The following ADAMTSL1 variants were observed in gnomAD, a reference collection of about 807,000 sequenced individuals.
The protein encoded by ADAMTSL1 is ADAMTS like 1, also known as ADAMTS-like protein 1.
Under a neutral mutation model 201.8 loss-of-function variants are expected in ADAMTSL1, and 126 were observed. That is an observed-to-expected ratio of 0.62 (90% CI 0.54 to 0.72). The LOEUF is 0.72. ADAMTSL1 is among the 30% of genes least tolerant of loss of function. The pLI is 0.00. For synonymous variants in ADAMTSL1, 1,121 were observed against 903.4 expected (o/e 1.24, Z -4.32); for missense variants, 2,679 against 2,277.8 (o/e 1.18, Z -3.59).
intron 26 of ADAMTSL1, among the ~76,000 whole-genome samples, chr9:18,898,832 G>C (rs1295772331): frequency 6.6e-6 from 1 of 152,128 alleles, no homozygotes; most frequent in Non-Finnish European, 1.5e-5. Flanking sequence ...TGACAAATCA[G>C]CAGTTGCTAT....
At chr9:18,710,660 AGTTTT>A (rs1379384216) in intron 14 of ADAMTSL1, among the ~76,000 whole-genome samples, 1 of 58,164 alleles carries the variant, frequency 1.7e-5, no homozygotes, top group Non-Finnish European at 3.6e-5. Flanking sequence ...GAAGGGCCTA[AGTTTT>A]GTTTTGTTTT....
chr9:18,062,294 T>G (rs1295640780), intron 1 of ADAMTSL1, among the ~76,000 whole-genome samples: 1 of 152,204 alleles, frequency 6.6e-6, no homozygotes, highest in East Asian at 1.9e-4. Flanking sequence ...TCTTTTCAGG[T>G]AAAGGTAAAT....
At chr9:18,152,487 A>C (rs1485720201) in intron 1 of ADAMTSL1, among the ~76,000 whole-genome samples, 2 of 152,060 alleles carry the variant, frequency 1.3e-5, no homozygotes, top group Non-Finnish European at 2.9e-5. Flanking sequence ...GCAGGGCAAG[A>C]AACAATAGAA....
chr9:18,542,255 T>C (rs1820199283), intron 3 of ADAMTSL1, among the ~76,000 whole-genome samples: 1 of 152,108 alleles, frequency 6.6e-6, no homozygotes, highest in East Asian at 1.9e-4. Context: ...TATTTGTTTT[T>C]GAAACAAAGA....
intron 16 of ADAMTSL1, among the ~76,000 whole-genome samples, chr9:18,753,975 G>C (rs948392101): frequency 6.6e-6 from 1 of 152,138 alleles, no homozygotes; most frequent in Non-Finnish European, 1.5e-5. Context: ...CCAATTCCAA[G>C]TATTTTTATT....
intron 1 of ADAMTSL1, among the ~76,000 whole-genome samples, chr9:18,157,893 T>C (rs920099127): frequency 6.6e-6 from 1 of 152,016 alleles, no homozygotes; most frequent in African/African-American, 2.4e-5. Context: ...CTGAAGCTAC[T>C]TCAAGCATCT....
intron 2 of ADAMTSL1, among the ~76,000 whole-genome samples, chr9:18,201,362 G>A (rs72684906): frequency 0.033 from 4,964 of 152,118 alleles, 118 homozygotes; most frequent in Non-Finnish European, 0.054. Flanking sequence ...ATTAAGAAGA[G>A]CATGCTTTGT....
intron 2 of ADAMTSL1, among the ~76,000 whole-genome samples, chr9:18,247,373 A>G (rs1291663328): frequency 1.3e-5 from 2 of 152,210 alleles, no homozygotes; most frequent in African/African-American, 4.8e-5. Context: ...TTATCTCTTT[A>G]TTCATCTATT....
chr9:18,875,238 G>C (rs534902433), intron 23 of ADAMTSL1, among the ~76,000 whole-genome samples: 16 of 151,642 alleles, frequency 1.1e-4, no homozygotes, highest in African/African-American at 3.6e-4. Flanking sequence ...TCTATTTTTT[G>C]TTTCAATTTC....
chr9:18,129,233 A>C (rs1480222971), intron 1 of ADAMTSL1, among the ~76,000 whole-genome samples: 1 of 152,174 alleles, frequency 6.6e-6, no homozygotes, highest in African/African-American at 2.4e-5. Context: ...GAAATCCTAA[A>C]AGTCTCTTTT....
intron 2 of ADAMTSL1, among the ~76,000 whole-genome samples, chr9:18,178,316 G>A (rs34236855): frequency 0.15 from 22,173 of 151,830 alleles, 1,808 homozygotes; most frequent in East Asian, 0.24. Context: ...GCGCTTTTCC[G>A]ACGGGCTTAA....
At chr9:18,255,282 T>G (rs1288710002) in intron 2 of ADAMTSL1, among the ~76,000 whole-genome samples, 1 of 152,098 alleles carries the variant, frequency 6.6e-6, no homozygotes, top group Non-Finnish European at 1.5e-5. Flanking sequence ...CTTTACCTTG[T>G]AGCAGGCGTA....
intron 5 of ADAMTSL1, among the ~76,000 whole-genome samples, chr9:18,633,980 A>T (rs1826944902): frequency 6.6e-6 from 1 of 152,166 alleles, no homozygotes; most frequent in Non-Finnish European, 1.5e-5. Context: ...ATGTTTACAG[A>T]ATACTTACTG....
At chr9:18,504,336 G>A (rs899841701) in intron 1 of ADAMTSL1, among the ~76,000 whole-genome samples, 2 of 152,038 alleles carry the variant, frequency 1.3e-5, no homozygotes, top group Admixed American at 1.3e-4. Flanking sequence ...TTATTCCAAC[G>A]AGCACATCTG....
At chr9:18,090,627 C>G (rs1425370277) in intron 1 of ADAMTSL1, among the ~76,000 whole-genome samples, 1 of 152,068 alleles carries the variant, frequency 6.6e-6, no homozygotes, top group Non-Finnish European at 1.5e-5. Flanking sequence ...TTAATAGGTA[C>G]AGAGTTTTAA....
chr9:18,029,498 A>G (rs1022395634), intron 1 of ADAMTSL1, among the ~76,000 whole-genome samples: 1 of 152,200 alleles, frequency 6.6e-6, no homozygotes, highest in African/African-American at 2.4e-5. Context: ...CAAGGACTTC[A>G]TGTCTAAAAC....
At chr9:18,735,540 C>G (rs1202521545) in intron 15 of ADAMTSL1, among the ~76,000 whole-genome samples, 2 of 152,090 alleles carry the variant, frequency 1.3e-5, no homozygotes, top group Non-Finnish European at 2.9e-5. Flanking sequence ...CTACAGAGAC[C>G]TCTCAGATGT....
chr9:18,726,534 G>C (rs985203999), intron 15 of ADAMTSL1, among the ~76,000 whole-genome samples: 3 of 151,406 alleles, frequency 2.0e-5, no homozygotes, highest in Non-Finnish European at 2.9e-5. Flanking sequence ...ATAAGCTTTA[G>C]CAACTATCTC....
chr9:18,536,474 A>G (rs1160764484), intron 3 of ADAMTSL1, among the ~76,000 whole-genome samples: 2 of 149,518 alleles, frequency 1.3e-5, no homozygotes. Context: ...AAAGCAGCTC[A>G]CAGGCTTTTA....
Sources: gnomAD v4.1 joint callset for allele counts (sites outside exome capture counted in the v4.1 genomes callset) on GRCh38, gnomAD v4.1.1 for gene constraint, MANE v1.5 for transcripts, NCBI Gene and HGNC (gene_info 2026-07-23, HGNC 2026-07-21) for gene names.